Variants in BDNF observed in about 807,000 individuals in gnomAD.
BDNF encodes the protein brain derived neurotrophic factor.
BDNF carries 1 observed loss-of-function variant against 19.5 expected under a neutral mutation model. That is an observed-to-expected ratio of 0.05 (90% CI 0.02 to 0.24). The LOEUF is 0.24. Among genes scored for constraint, BDNF ranks in the 10% least tolerant of loss-of-function variants. BDNF has a pLI of 1.00. For missense variants in BDNF, 195 were observed against 317.6 expected, an observed-to-expected ratio of 0.61 and a Z score of 2.93; for synonymous variants, 100 against 121.6, an observed-to-expected ratio of 0.82 and a Z score of 1.17.
chr11:27,674,497 C>G, intron 1 of BDNF: 2 of 985,282 alleles, frequency 2.0e-6, no homozygotes, highest in Non-Finnish European at 1.2e-6. Context: ...TTTCCAGGCC[C>G]TGTGCATAAT....
intron 1 of BDNF, among the ~76,000 whole-genome samples, chr11:27,695,120 A>G (rs764174055): frequency 5.3e-5 from 8 of 152,190 alleles, no homozygotes; most frequent in Non-Finnish European, 8.8e-5. Context: ...AGGAAATCCT[A>G]GTAACTGTAG....
At chr11:27,708,110 G>A (rs1317851620) in intron 1 of BDNF, among the ~76,000 whole-genome samples, 2 of 152,106 alleles carry the variant, frequency 1.3e-5, no homozygotes, top group African/African-American at 4.8e-5. Context: ...TTTCCTGAAG[G>A]CCTTGAGAAG....
rs1439408027 is a variant in BDNF at position 27,655,573 on chromosome 11, C to T, written c.*2248G>A. ...TTTCAAACAACACAAAACAAATCTA[C>T]ACTACGTAAAGTCTTCCTTCTTTCA... On this transcript the variant is annotated 3_prime_UTR_variant, in exon 2 of 2. Coordinates refer to ENST00000356660, the MANE Select transcript of BDNF (RefSeq NM_001709.5). 1 of 152,286 alleles carries T rather than the reference C, an allele frequency of 6.6e-6. No homozygotes were observed. The highest frequency in any genetic ancestry group is 2.1e-4 in the South Asian group (1 of 4,812). The allele number at this position is 152,286 out of a possible 1,614,324, so 9.4% of individuals were successfully genotyped here.
intron 1 of BDNF, among the ~76,000 whole-genome samples, chr11:27,665,946 T>C (rs568041356): frequency 6.6e-6 from 1 of 152,294 alleles, no homozygotes; most frequent in Admixed American, 6.5e-5. Context: ...GAATATGATA[T>C]CTGAGAATGG....
chr11:27,687,574 G>C (rs946941221), intron 1 of BDNF, among the ~76,000 whole-genome samples: 1 of 152,146 alleles, frequency 6.6e-6, no homozygotes, highest in African/African-American at 2.4e-5. Context: ...TGATGTTGGC[G>C]ACCTTTGTAC....
At chr11:27,719,526 C>T in intron 1 of BDNF, 1 of 985,442 alleles carries the variant, frequency 1.0e-6, no homozygotes, top group Non-Finnish European at 1.2e-6. Context: ...CTCAGTGAGG[C>T]ATCCGGCCCG....
intron 1 of BDNF, chr11:27,720,277 C>A: frequency 1.0e-6 from 1 of 967,998 alleles, no homozygotes; most frequent in South Asian, 4.8e-5. Context: ...ACCACGCGTC[C>A]TCTCCGGAAG....
intron 1 of BDNF, among the ~76,000 whole-genome samples, chr11:27,669,080 C>T (rs1854878537): frequency 6.6e-6 from 1 of 152,184 alleles, no homozygotes; most frequent in Non-Finnish European, 1.5e-5. Context: ...TTGGCTTCAT[C>T]CCTGGGATGC....
rs1231248560 is a variant in BDNF, at chr11:27,657,884, G to A, written c.681C>T (p.Gly227=). ...ALTMDSKKRI[G]WRFIRIDTSC... ...AAGTGTCTATCCTTATGAATCGCCAGCCAATTCTCTTTTTGCTATCCATGG... is the reference window on the plus strand; with the variant it reads ...AAGTGTCTATCCTTATGAATCGCCAACCAATTCTCTTTTTGCTATCCATGG... Residue 227 remains glycine (G), a synonymous_variant, in exon 2 of 2, where the codon GGC becomes GGT. Transcript: ENST00000356660. The surrounding 1 kb of genome is among the most constrained non-coding windows in gnomAD (Gnocchi z 5.0). The A allele has an allele frequency of 1.9e-6, 3 of 1,613,992 alleles. No homozygotes were observed. The highest frequency in any genetic ancestry group is 1.3e-5 in the African/African-American group (1 of 74,902).
At chr11:27,707,103 AATACT>A (rs1337219641) in intron 1 of BDNF, among the ~76,000 whole-genome samples, 1 of 152,220 alleles carries the variant, frequency 6.6e-6, no homozygotes, top group African/African-American at 2.4e-5. Flanking sequence ...AGGTCTATGA[AATACT>A]ACACTACTTT....
At chr11:27,714,827 G>A (rs778653178) in intron 1 of BDNF, among the ~76,000 whole-genome samples, 9 of 152,146 alleles carry the variant, frequency 5.9e-5, no homozygotes, top group Non-Finnish European at 1.2e-4. Flanking sequence ...TTTTATGTGT[G>A]AGGAAGCAGA....
intron 1 of BDNF, among the ~76,000 whole-genome samples, chr11:27,668,312 A>G (rs1157390724): frequency 6.6e-6 from 1 of 152,236 alleles, no homozygotes; most frequent in Non-Finnish European, 1.5e-5. Flanking sequence ...CACAAGAGAA[A>G]GCAGGAAAGA....
chr11:27,683,219 A>G (rs544520070), intron 1 of BDNF, among the ~76,000 whole-genome samples: 9 of 152,220 alleles, frequency 5.9e-5, no homozygotes, highest in African/African-American at 2.2e-4. Context: ...TTTGAGAAGC[A>G]TCTGTTCATA....
chr11:27,699,946 C>A (rs779537021), intron 1 of BDNF, among the ~76,000 whole-genome samples: 1 of 152,170 alleles, frequency 6.6e-6, no homozygotes, highest in East Asian at 1.9e-4. Flanking sequence ...GTGACTTCCC[C>A]GGGTCCCTTT....
intron 1 of BDNF, chr11:27,699,739 G>C: frequency 2.6e-5 from 35 of 1,334,718 alleles, no homozygotes; most frequent in Non-Finnish European, 3.4e-5. Flanking sequence ...TCGGCGCGGG[G>C]ACCACCCACC....
chr11:27,682,684 T>C (rs1346419076), intron 1 of BDNF, among the ~76,000 whole-genome samples: 3 of 152,192 alleles, frequency 2.0e-5, no homozygotes, highest in Admixed American at 1.3e-4. Context: ...CTGTGTTACC[T>C]TGCCAAGAAT....
intron 1 of BDNF, among the ~76,000 whole-genome samples, chr11:27,661,686 C>T (rs1441372597): frequency 1.3e-5 from 2 of 152,178 alleles, no homozygotes; most frequent in South Asian, 2.1e-4. Flanking sequence ...CTCTCTGATA[C>T]TCAACTCTCT....
At position 27,657,496 on chromosome 11, in the gene BDNF, A is replaced by T. The variant is rs1852723902; in HGVS notation, c.*325T>A. 9.1e-7 allele frequency: 1 copy of T among 1,094,706 alleles called. No homozygotes were observed. The highest frequency in any genetic ancestry group is 4.8e-5 in the Admixed American group (1 of 20,918). The allele number at this position is 1,094,706 out of a possible 1,614,324, so 67.8% of individuals were successfully genotyped here. ...TCTGTTTTCTGAAAGAGGACAGTTT[A>T]TTATCAATTCACAATTAAAGCAGCA... On this transcript the variant is annotated 3_prime_UTR_variant, in exon 2 of 2. Coordinates refer to ENST00000356660, the MANE Select transcript of BDNF (RefSeq NM_001709.5). The surrounding 1 kb of genome is among the most constrained non-coding windows in gnomAD (Gnocchi z 5.0).
chr11:27,700,033 C>T, intron 1 of BDNF, 131 bp downstream of exon 1: 2 of 870,090 alleles, frequency 2.3e-6, no homozygotes, highest in Non-Finnish European at 2.8e-6. Context: ...CCAAATCGTC[C>T]CTTCTACCGG....
Sources: allele counts gnomAD v4.1 joint callset (sites outside exome capture counted in the v4.1 genomes callset), GRCh38; gene constraint gnomAD v4.1.1; non-coding constraint Gnocchi (gnomAD v3.1); transcripts MANE v1.5; gene names NCBI Gene and HGNC (gene_info 2026-07-23, HGNC 2026-07-21).